Variants in THOC5 observed in about 807,000 individuals in gnomAD.
THOC5 encodes Fms-interacting protein.
In THOC5, 43 loss-of-function variants were observed where a neutral mutation model predicts 92.9. That is an observed-to-expected ratio of 0.46 (90% CI 0.36 to 0.60). The LOEUF (loss-of-function observed/expected upper bound fraction) is 0.60. Among genes scored for constraint, THOC5 ranks in the 20% least tolerant of loss-of-function variants. The probability of loss-of-function intolerance (pLI) is 0.00; values close to 1 mark genes in which losing one functional copy is unlikely to be tolerated. For synonymous variants in THOC5, 296 were observed against 320.1 expected (o/e 0.92, Z 0.80); for missense variants, 659 against 849.4 (o/e 0.78, Z 2.79).
At chr22:29,544,744 T>A in intron 2 of THOC5, 141 bp from the exon 3 acceptor site, 1 of 824,512 alleles carries the variant, frequency 1.2e-6, no homozygotes, top group Non-Finnish European at 1.8e-6. Context: ...ATCTGGTCCT[T>A]AAATTAAATG....
intron 8 of THOC5, 79 bp downstream of exon 8, chr22:29,531,752 G>A: frequency 4.5e-6 from 7 of 1,545,154 alleles, no homozygotes; most frequent in Non-Finnish European, 6.1e-6. Flanking sequence ...TTCCTGAGCA[G>A]GTACTGCTTC....
At chr22:29,523,323 T>C (rs943964734) in intron 12 of THOC5, among the ~76,000 whole-genome samples, 1 of 152,046 alleles carries the variant, frequency 6.6e-6, no homozygotes, top group African/African-American at 2.4e-5. Context: ...CTCTAATGAA[T>C]TAATGGATCT....
At chr22:29,533,692 ACTTGC>A (rs2063699485) in intron 7 of THOC5, among the ~76,000 whole-genome samples, 1 of 152,200 alleles carries the variant, frequency 6.6e-6, no homozygotes, top group South Asian at 2.1e-4. Flanking sequence ...CAGGCAAAAG[ACTTGC>A]CTAGACCCAT....
At position 29,536,695 on chromosome 22, in the gene THOC5, T is replaced by C; in HGVS notation, c.643A>G (p.Ile215Val). The change falls in exon 7 of 20, where the codon ATT (isoleucine) becomes GTT (valine). Residue 215 changes from isoleucine to valine, a missense_variant. Transcript: ENST00000490103. ...TTCTTCACCTCAATCTCCTTGAGAA[T>C]CTTCTCCTTGTTAGATAGGCACTCT... ...YRECLSNKEK[I>V]LKEIEVKKEY... 1 of 1,613,870 alleles carries C rather than the reference T, an allele frequency of 6.2e-7. No homozygotes were observed. Among genetic ancestry groups the C allele is most frequent in the Non-Finnish European group, 8.5e-7 (1 of 1,179,758 alleles).
chr22:29,553,253 A>T (rs1397140693), intron 1 of THOC5, among the ~76,000 whole-genome samples: 1 of 152,236 alleles, frequency 6.6e-6, no homozygotes, highest in African/African-American at 2.4e-5. Flanking sequence ...AAACAAACAA[A>T]CAAACAAATT....
chr22:29,518,667 C>G (rs551599211), intron 15 of THOC5, among the ~76,000 whole-genome samples: 8 of 152,328 alleles, frequency 5.3e-5, no homozygotes, highest in African/African-American at 1.9e-4. Flanking sequence ...TGGCATGAAT[C>G]AGGATCTCAC....
chr22:29,514,029 C>A (rs1455890892), intron 17 of THOC5: 2 of 151,678 alleles, frequency 1.3e-5, no homozygotes, highest in African/African-American at 4.8e-5. Context: ...CAGCTCACTG[C>A]AACCTCCGCC....
Position 29,546,507 on chromosome 22 carries a change from G to A in THOC5, c.97-1904C>T, listed in dbSNP as rs562373436. ...TGCAGTGGCATGATCTCAGTTCACT[G>A]CAACCTCTGCCTCCCAGGTTCAGGC... On this transcript the variant is annotated intron_variant, in intron 2 of 19. Coordinates refer to ENST00000490103, the MANE Select transcript of THOC5 (RefSeq NM_003678.5). Among the ~76,000 whole-genome samples, 22 of 151,982 alleles carry A rather than the reference G, an allele frequency of 1.4e-4. No homozygotes were observed. The South Asian group carries it at 4.4e-3, about 30-fold the overall frequency.
chr22:29,539,458 A>T lies in THOC5; in HGVS notation c.471T>A (p.Ile157=), dbSNP rs2063833968. Residue 157 remains isoleucine (I), a synonymous_variant, in exon 6 of 20, where the codon ATT becomes ATA. Coordinates refer to ENST00000490103, the MANE Select transcript of THOC5 (RefSeq NM_003678.5). ...CLEFKSKHEE[I]DLVSLEEFYK... is the part of the protein sequence containing the mutation. ...AAAACTCCTCTAAACTGACCAGATC[A>T]ATTTCTTCATGCTTTGACCTACAGA... The T allele has an allele frequency of 6.2e-7, 1 of 1,613,438 alleles. No individual in the cohort carries two copies. Among genetic ancestry groups the T allele is most frequent in the Non-Finnish European group, 8.5e-7 (1 of 1,179,814 alleles).
chr22:29,531,417 C>T (rs961460019), intron 8 of THOC5: 2 of 1,003,014 alleles, frequency 2.0e-6, no homozygotes, highest in African/African-American at 1.7e-5. Flanking sequence ...AGACATGCAG[C>T]CTGATTCAAG....
At chr22:29,523,053 C>A (rs2063475875) in intron 12 of THOC5, among the ~76,000 whole-genome samples, 1 of 149,946 alleles carries the variant, frequency 6.7e-6, no homozygotes, top group Admixed American at 6.7e-5. Context: ...ACTGGCCTGG[C>A]CAACATGGCA....
intron 11 of THOC5, among the ~76,000 whole-genome samples, chr22:29,527,256 C>T (rs2063562108): frequency 1.3e-5 from 2 of 151,962 alleles, no homozygotes; most frequent in South Asian, 4.2e-4. Flanking sequence ...CCCATCTCTA[C>T]AAAAAATACA....
chr22:29,531,378 A>G (rs2063651693), intron 8 of THOC5: 2 of 985,446 alleles, frequency 2.0e-6, no homozygotes, highest in Non-Finnish European at 2.4e-6. Flanking sequence ...TAATGAGGAC[A>G]TATCATCTAA....
At position 29,519,019 on chromosome 22, in the gene THOC5, CTGTT is replaced by C; in HGVS notation, c.1472_1475del (p.Lys491SerfsTer5). 3 of 1,604,162 alleles carry C rather than the reference CTGTT, an allele frequency of 1.9e-6. No homozygotes were observed. Among genetic ancestry groups the C allele is most frequent in the Non-Finnish European group, 2.6e-6 (3 of 1,174,902 alleles). On this transcript the variant is annotated frameshift_variant, in exon 15 of 20. Transcript: ENST00000490103. LOFTEE classifies it high-confidence loss of function. ...TCATCAGCTTACCTAGGGATGCAAACTGTTTGTGGAGGGCCAGGCGGGACTGCAC... is the reference window on the plus strand; with the variant it reads ...TCATCAGCTTACCTAGGGATGCAAACTGTGGAGGGCCAGGCGGGACTGCAC...
intron 19 of THOC5, 75 bp downstream of exon 19, chr22:29,511,031 T>C: frequency 6.7e-7 from 1 of 1,499,594 alleles, no homozygotes; most frequent in Non-Finnish European, 9.1e-7. Flanking sequence ...AAGCAAGCTC[T>C]CCCCAGAAAA....
Position 29,511,145 on chromosome 22 carries a change from T to C in THOC5, c.1949A>G (p.Lys650Arg), listed in dbSNP as rs748536803. The C allele has an allele frequency of 2.5e-6, 4 of 1,614,194 alleles. No homozygotes were observed. The highest frequency in any genetic ancestry group is 3.4e-6 in the Non-Finnish European group (4 of 1,180,020). The change falls in exon 19 of 20, where the codon AAG becomes AGG. Residue 650 changes from lysine (K) to arginine (R), a missense_variant. Physicochemically the swap from Lys to Arg is conservative, Grantham distance 26. Coordinates refer to ENST00000490103, the MANE Select transcript of THOC5 (RefSeq NM_003678.5). ...ACACATCTTCTCCTGGGGAAATTCC[T>C]TGGGCCCCTCCACACTGTCGTCATG... is the stretch of plus-strand genomic sequence containing the variant. ...ESHDDSVEGP[K>R]EFPQEKMCLR...
At chr22:29,528,035 T>C in intron 11 of THOC5, 43 bp downstream of exon 11, 2 of 1,600,382 alleles carry the variant, frequency 1.2e-6, no homozygotes, top group Non-Finnish European at 1.7e-6. Context: ...GGGTGAACTC[T>C]TAGGTGCTAC....
intron 3 of THOC5, 30 bp from the exon 4 acceptor site, chr22:29,543,572 T>G (rs1464272736): frequency 6.4e-7 from 1 of 1,561,850 alleles, no homozygotes. Flanking sequence ...TAAAGCCCAC[T>G]GACGACAGGG....
At chr22:29,523,749 A>G (rs2063490613) in intron 12 of THOC5, among the ~76,000 whole-genome samples, 1 of 152,250 alleles carries the variant, frequency 6.6e-6, no homozygotes, top group Non-Finnish European at 1.5e-5. Context: ...ATCCAGACTC[A>G]AAACACAAAA....
Sources: allele counts gnomAD v4.1 joint callset (sites outside exome capture counted in the v4.1 genomes callset), GRCh38; gene constraint gnomAD v4.1.1; transcripts MANE v1.5; gene names NCBI Gene and HGNC (gene_info 2026-07-23, HGNC 2026-07-21).